The following HDAC5 variants were observed in gnomAD, a reference collection of about 807,000 sequenced individuals.
The protein encoded by HDAC5 is antigen NY-CO-9.
Under a neutral mutation model 133.3 loss-of-function variants are expected in HDAC5, and 25 were observed. The ratio of observed to expected loss-of-function variants is 0.19; its 90% CI spans 0.14 to 0.26. The LOEUF (loss-of-function observed/expected upper bound fraction) is 0.26. HDAC5 is among the 10% of genes least tolerant of loss of function. The probability of loss-of-function intolerance (pLI) is 1.00; values close to 1 mark genes in which losing one functional copy is unlikely to be tolerated. For synonymous variants in HDAC5, 589 were observed against 610.8 expected (o/e 0.96, Z 0.53); for missense variants, 1,041 against 1,460.5 (o/e 0.71, Z 4.68).
chr17:44,091,912 A>C, intron 9 of HDAC5, 81 bp from the exon 10 acceptor site: 1 of 1,462,890 alleles, frequency 6.8e-7, no homozygotes, highest in Non-Finnish European at 9.2e-7. Flanking sequence ...GCCAAGGCCA[A>C]GGTCTCTGAA....
chr17:44,080,991 T>G, intron 20 of HDAC5, 109 bp from the exon 21 acceptor site: 1 of 1,477,556 alleles, frequency 6.8e-7, no homozygotes, highest in Non-Finnish European at 9.3e-7. Context: ...CCTAGCATTT[T>G]GGGAGGCTGA....
intron 23 of HDAC5, 91 bp downstream of exon 23, chr17:44,080,016 C>T: frequency 1.1e-6 from 1 of 933,070 alleles, no homozygotes; most frequent in Non-Finnish European, 1.7e-6. Flanking sequence ...TCCCCGTCTG[C>T]TGCAATATCA....
At chr17:44,120,552 T>A (rs1350652929) in intron 1 of HDAC5, 2 of 151,960 alleles carry the variant, frequency 1.3e-5, no homozygotes, top group African/African-American at 2.4e-5. Flanking sequence ...ACCAGCCTGA[T>A]CAACATGGAG....
chr17:44,093,689 G>C lies in HDAC5; in HGVS notation c.240C>G (p.Leu80=). The change falls in exon 4 of 27, where the codon CTC becomes CTG. Residue 80 remains leucine (L), a synonymous_variant. Coordinates refer to ENST00000682912, the MANE Select transcript of HDAC5 (RefSeq NM_005474.5). Reference sequence around the variant, plus strand: ...GCTGCTGCTGCTGCTTGAGCGCCAGGAGCTCCTGCTGCAGTTGCTGCTCCC... The same window carrying C: ...GCTGCTGCTGCTGCTTGAGCGCCAGCAGCTCCTGCTGCAGTTGCTGCTCCC... ...TLREQQLQQE[L]LALKQQQQLQ... 1.2e-6 allele frequency: 2 copies of C among 1,608,902 alleles called. No individual in the cohort carries two copies. Among genetic ancestry groups the C allele is most frequent in the African/African-American group, 2.7e-5 (2 of 74,946 alleles).
intron 23 of HDAC5, 46 bp downstream of exon 23, chr17:44,080,061 T>A (rs1194405159): frequency 7.4e-7 from 1 of 1,351,122 alleles, no homozygotes; most frequent in South Asian, 1.2e-5. Flanking sequence ...CTGGACTCGA[T>A]ATCCTCACTG....
chr17:44,114,440 G>GT (rs1458877948), intron 2 of HDAC5, among the ~76,000 whole-genome samples: 3 of 142,872 alleles, frequency 2.1e-5, no homozygotes, highest in Non-Finnish European at 3.0e-5. Flanking sequence ...GCAGGCGTGG[G>GT]GGGGGGGGGC....
Position 44,080,462 on chromosome 17 carries a change from C to T in HDAC5, c.2764G>A (p.Val922Met), listed in dbSNP as rs1253651614. Residue 922 changes from valine to methionine, a missense_variant, in exon 22 of 27, where the codon GTG becomes ATG. Transcript: ENST00000682912. Reference sequence around the variant, plus strand: ...GGGTCCACACCTCCTGTCCATGCCACGTTCACATTGTACCCCACGCCTGGT... The same window carrying T: ...GGGTCCACACCTCCTGTCCATGCCATGTTCACATTGTACCCCACGCCTGGT... ...GGPGVGYNVN[V>M]AWTGGVDPPI... The T allele has an allele frequency of 1.2e-6, 2 of 1,614,158 alleles. No individual in the cohort carries two copies. Among genetic ancestry groups the T allele is most frequent in the Non-Finnish European group, 1.7e-6 (2 of 1,180,028 alleles).
intron 11 of HDAC5, 131 bp from the exon 12 acceptor site, chr17:44,088,729 GACCTGAAGCACCCCCCACCCAA>G: frequency 7.6e-7 from 1 of 1,322,622 alleles, no homozygotes; most frequent in Non-Finnish European, 1.0e-6. Flanking sequence ...AACCCTGGGG[GACCTGAAGCACCCCCCACCCAA>G]ACCTGAGCTC....
At chr17:44,123,241 G>A (rs977098308) in intron 1 of HDAC5, 4 of 289,746 alleles carry the variant, frequency 1.4e-5, no homozygotes, top group African/African-American at 6.6e-5. Context: ...GAGAAGGCGG[G>A]CCCCTCCCTT....
intron 14 of HDAC5, among the ~76,000 whole-genome samples, chr17:44,085,804 T>A (rs1010995416): frequency 2.0e-5 from 3 of 151,968 alleles, no homozygotes; most frequent in Non-Finnish European, 4.4e-5. Flanking sequence ...ACCCAACCTA[T>A]TTTTTTATTT....
At chr17:44,104,820 C>T (rs1453610172) in intron 3 of HDAC5, among the ~76,000 whole-genome samples, 1 of 152,178 alleles carries the variant, frequency 6.6e-6, no homozygotes, top group Non-Finnish European at 1.5e-5. Context: ...CAGGTGACAC[C>T]TCTCTCCCCA....
At chr17:44,111,253 A>T (rs928627307) in intron 2 of HDAC5, 1 of 292,568 alleles carries the variant, frequency 3.4e-6, no homozygotes, top group Non-Finnish European at 6.9e-6. Context: ...GGCAGCTGGC[A>T]GGAGACTGAA....
intron 1 of HDAC5, among the ~76,000 whole-genome samples, chr17:44,121,143 G>A (rs2052974003): frequency 6.6e-6 from 1 of 151,634 alleles, no homozygotes; most frequent in Non-Finnish European, 1.5e-5. Flanking sequence ...TGGTGAGAGG[G>A]GAGGAAGGGA....
At chr17:44,104,898 C>T (rs2051838580) in intron 3 of HDAC5, among the ~76,000 whole-genome samples, 1 of 152,110 alleles carries the variant, frequency 6.6e-6, no homozygotes, top group Non-Finnish European at 1.5e-5. Context: ...ACAAAGCAGA[C>T]ACAATGTGAA....
chr17:44,087,616 C>G lies in HDAC5; in HGVS notation c.1680G>C (p.Gln560His). ...GGGCTCCCTCCCCCAGCAAGACCTC[C>G]TGCTGCTCCGTCAGCTCCTCCTCTG... ...EETEEELTEQ[Q>H]EVLLGEGALT... Residue 560 changes from glutamine (Q) to histidine (H), a missense_variant, in exon 13 of 27, where the codon CAG (glutamine) becomes CAC (histidine). This residue lies in a region of HDAC5 where 433 missense variants were observed against 531.6 expected (regional missense o/e 0.81). Transcript: ENST00000682912. 1.2e-6 allele frequency: 2 copies of G among 1,614,032 alleles called. No homozygotes were observed. Among genetic ancestry groups the G allele is most frequent in the South Asian group, 2.2e-5 (2 of 91,084 alleles).
chr17:44,096,952 C>G (rs938550094), intron 3 of HDAC5, among the ~76,000 whole-genome samples: 1 of 152,172 alleles, frequency 6.6e-6, no homozygotes, highest in Non-Finnish European at 1.5e-5. Flanking sequence ...GAACTCCTGA[C>G]CTCAGGTGAT....
rs1361315598 is a variant in HDAC5 at position 44,082,784 on chromosome 17, C to T, written c.2500G>A (p.Ala834Thr). 1 of 1,565,702 alleles carries T rather than the reference C, an allele frequency of 6.4e-7. No individual in the cohort carries two copies. Among genetic ancestry groups the T allele is most frequent in the African/African-American group, 1.4e-5 (1 of 73,952 alleles). The change falls in exon 19 of 27, where the codon GCC (alanine) becomes ACC (threonine). Residue 834 changes from alanine (A) to threonine (T), a missense_variant. Coordinates refer to ENST00000682912, the MANE Select transcript of HDAC5 (RefSeq NM_005474.5). ...ACTCACATGGCTGTGGATTCCTCGG[C>T]GTGGTGTCCTGGGGGCCGGATGATG... ...FAIIRPPGHHAEESTAMGFCF... is the reference protein window; with the variant it reads ...FAIIRPPGHHTEESTAMGFCF...
rs143813580 is a variant in HDAC5 at position 44,111,126 on chromosome 17, A to T, written c.23-326T>A. 6.8e-3 allele frequency: 2,894 copies of T among 423,084 alleles called. 20 individuals are homozygous for T. Among genetic ancestry groups the T allele is most frequent in the Middle Eastern group, 0.014 (40 of 2,822 alleles). 26.2% of individuals were successfully genotyped at this position (423,084 alleles called of 1,614,324 possible). ...GTTCCTGGGAGCTGGGGTATGGCTG[A>T]GCACTTGGGACAGGAAGGGGAGCTC... On this transcript the variant is annotated intron_variant, in intron 2 of 26. Coordinates refer to ENST00000682912, the MANE Select transcript of HDAC5 (RefSeq NM_005474.5).
At chr17:44,111,365 C>A (rs1010167256) in intron 2 of HDAC5, 4 of 343,102 alleles carry the variant, frequency 1.2e-5, no homozygotes, top group African/African-American at 8.6e-5. Flanking sequence ...GCGGTTCTAC[C>A]CCAGGAGGAA....
Sources: gnomAD v4.1 joint callset for allele counts (sites outside exome capture counted in the v4.1 genomes callset) on GRCh38, gnomAD v4.1.1 for gene constraint, gnomAD v4.1.1 regional missense constraint, MANE v1.5 for transcripts, NCBI Gene and HGNC (gene_info 2026-07-23, HGNC 2026-07-21) for gene names.